The following AK9 variants were observed in gnomAD, a reference collection of about 807,000 sequenced individuals.
AK9 encodes adenylate kinase 9, also known as adenylate kinase domain containing 1.
AK9 carries 191 observed loss-of-function variants against 239.6 expected under a neutral mutation model. The ratio of observed to expected loss-of-function variants is 0.80; its 90% confidence interval spans 0.71 to 0.90. The LOEUF (loss-of-function observed/expected upper bound fraction) is 0.90, where lower values mean the gene tolerates loss of function less well. AK9 is among the 40% of genes least tolerant of loss of function. AK9 has a pLI of 0.00. For missense variants in AK9, 1,995 were observed against 2,214.7 expected (o/e 0.90, Z 1.99); for synonymous variants, 689 against 721.0 (o/e 0.96, Z 0.71).
At chr6:109,514,583 T>A (rs554379227) in intron 31 of AK9, 146 bp from the exon 32 acceptor site, 29 of 724,636 alleles carry the variant, frequency 4.0e-5, no homozygotes, top group Non-Finnish European at 5.9e-5. Context: ...AAGGTTAATA[T>A]TAAACAACTG....
chr6:109,600,688 G>A (rs1223278480), intron 17 of AK9, among the ~76,000 whole-genome samples: 7 of 152,158 alleles, frequency 4.6e-5, no homozygotes, highest in Non-Finnish European at 5.9e-5. Context: ...GTAGAATTCG[G>A]CTGTGAATCT....
At chr6:109,633,570 A>G (rs921578674) in intron 10 of AK9, among the ~76,000 whole-genome samples, 3 of 152,180 alleles carry the variant, frequency 2.0e-5, no homozygotes, top group Non-Finnish European at 4.4e-5. Context: ...GTTTACATTT[A>G]TGTTAAAAAA....
At chr6:109,621,854 G>C (rs2090201428) in intron 12 of AK9, among the ~76,000 whole-genome samples, 1 of 117,486 alleles carries the variant, frequency 8.5e-6, no homozygotes, top group South Asian at 2.7e-4. Flanking sequence ...TAACTAACCT[G>C]CACAATGTGC....
intron 29 of AK9, among the ~76,000 whole-genome samples, chr6:109,525,589 C>A (rs1283005778): frequency 6.6e-6 from 1 of 152,136 alleles, no homozygotes; most frequent in Non-Finnish European, 1.5e-5. Context: ...TAGAGAAATG[C>A]AAATCGAAAA....
At chr6:109,690,555 T>C (rs1583606724) in intron 1 of AK9, 1 of 144,038 alleles carries the variant, frequency 6.9e-6, no homozygotes, top group African/African-American at 2.5e-5. Context: ...GGGAGACCTC[T>C]GGCCGCCACG....
chr6:109,516,325 ATATACAT>A lies in AK9; in HGVS notation c.3846+98_3846+104del, dbSNP rs1167577570. ...CGATAAAAGGAAATACAGCCCTAAA[ATATACAT>A]TTTTTAAATGTTTAAAGAAATGGCA... On this transcript the variant is annotated intron_variant, in intron 30 of 40. Transcript: ENST00000424296. 98 of 1,061,998 alleles carry A rather than the reference ATATACAT, an allele frequency of 9.2e-5. No homozygotes were observed. The Admixed American group carries it at 2.5e-3, about 27-fold the overall frequency. The allele number at this position is 1,061,998 out of a possible 1,614,324, so 65.8% of individuals were successfully genotyped here.
intron 19 of AK9, 141 bp downstream of exon 19, chr6:109,584,982 T>C: frequency 1.5e-6 from 1 of 663,168 alleles, no homozygotes; most frequent in Non-Finnish European, 1.9e-6. Flanking sequence ...TCGCTGCTTT[T>C]CTTAAAATTA....
Position 109,564,737 on chromosome 6 carries a change from T to C in AK9, c.2434+19A>G. ...AAAAGTACTTTTATGCAAGAACTAC[T>C]TTCATTTTACAGTCTAACCTGTTTC... On this transcript the variant is annotated intron_variant, in intron 22 of 40. Coordinates refer to ENST00000424296, the MANE Select transcript of AK9 (RefSeq NM_001145128.3). 2 of 1,501,146 alleles carry C rather than the reference T, an allele frequency of 1.3e-6. No homozygotes were observed. Among genetic ancestry groups the C allele is most frequent in the East Asian group, 2.5e-5 (1 of 40,150 alleles). 93.0% of individuals were successfully genotyped at this position (1,501,146 alleles called of 1,614,324 possible). A position where few individuals can be genotyped will look rare whatever the true frequency, so the allele number is the denominator to read the frequency against.
chr6:109,690,896 G>T lies in AK9; in HGVS notation c.-12+251C>A. On this transcript the variant is annotated intron_variant, in intron 1 of 40. Coordinates refer to ENST00000424296, the MANE Select transcript of AK9 (RefSeq NM_001145128.3). ...ACAATTTCTTGGGCCACACAGCGTA[G>T]GTACAACATGGATTAGAGGTGAGGG... 2.0e-5 allele frequency among the ~76,000 whole-genome samples: 3 copies of T among 152,236 alleles called. No homozygotes were observed. In the South Asian group the frequency reaches 6.2e-4, roughly 32 times the overall value.
chr6:109,608,048 G>A (rs1793117433), intron 17 of AK9, among the ~76,000 whole-genome samples: 1 of 151,918 alleles, frequency 6.6e-6, no homozygotes. Context: ...GGCCAAGGCA[G>A]ATAGATCACT....
chr6:109,540,702 G>A (rs972695232), intron 27 of AK9, among the ~76,000 whole-genome samples: 1 of 152,140 alleles, frequency 6.6e-6, no homozygotes, highest in Non-Finnish European at 1.5e-5. Flanking sequence ...GCTCACACTG[G>A]GAGCTGTAGA....
chr6:109,652,710 T>C (rs1462292649), intron 8 of AK9, among the ~76,000 whole-genome samples: 1 of 152,224 alleles, frequency 6.6e-6, no homozygotes, highest in African/African-American at 2.4e-5. Context: ...TAACTTGTAC[T>C]AACTGCAACC....
intron 29 of AK9, chr6:109,528,126 G>A (rs978512391): frequency 2.9e-5 from 7 of 238,048 alleles, no homozygotes; most frequent in Admixed American, 5.2e-5. Flanking sequence ...GGGATACTGC[G>A]TAGGTGTGTT....
chr6:109,656,438 A>G (rs979509948), intron 8 of AK9, among the ~76,000 whole-genome samples: 1 of 152,248 alleles, frequency 6.6e-6, no homozygotes, highest in Non-Finnish European at 1.5e-5. Context: ...TAACTTACAG[A>G]TTGAAAATGC....
intron 35 of AK9, among the ~76,000 whole-genome samples, chr6:109,501,407 C>T (rs1777592331): frequency 6.6e-6 from 1 of 152,104 alleles, no homozygotes; most frequent in Non-Finnish European, 1.5e-5. Context: ...GAAACCGTGC[C>T]CAAAGAGGTT....
chr6:109,592,446 CTTTTTTTTT>C (rs55998817), intron 17 of AK9, among the ~76,000 whole-genome samples: 1 of 126,760 alleles, frequency 7.9e-6, no homozygotes, highest in East Asian at 2.3e-4. Flanking sequence ...AATGGGATTT[CTTTTTTTTT>C]TTTTTTTTTG....
intron 13 of AK9, 102 bp from the exon 14 acceptor site, chr6:109,614,582 T>G (rs959412403): frequency 1.1e-6 from 1 of 913,824 alleles, no homozygotes; most frequent in African/African-American, 1.7e-5. Flanking sequence ...ACAGTTGAGT[T>G]TCAGTTCTGA....
At chr6:109,660,468 G>A (rs958197319) in intron 6 of AK9, among the ~76,000 whole-genome samples, 5 of 152,184 alleles carry the variant, frequency 3.3e-5, no homozygotes, top group African/African-American at 1.2e-4. Flanking sequence ...AGCCAGGAAT[G>A]TTGGAACCTT....
At chr6:109,648,101 G>C (rs937884715) in intron 8 of AK9, among the ~76,000 whole-genome samples, 2 of 151,986 alleles carry the variant, frequency 1.3e-5, no homozygotes, top group Non-Finnish European at 2.9e-5. Flanking sequence ...TGAGTAGAGG[G>C]AAATTTATAG....
Sources: gnomAD v4.1 joint callset for allele counts (sites outside exome capture counted in the v4.1 genomes callset) on GRCh38, gnomAD v4.1.1 for gene constraint, MANE v1.5 for transcripts, NCBI Gene and HGNC (gene_info 2026-07-23, HGNC 2026-07-21) for gene names.